Variants in SPAG16 observed in about 807,000 individuals in gnomAD.
SPAG16 encodes the protein sperm associated antigen 16.
A neutral mutation model predicts 80.4 loss-of-function variants in SPAG16; 86 were observed. The observed-to-expected ratio is 1.07, with a 90% CI of 0.90 to 1.28. The LOEUF is 1.28. Ranked by LOEUF, SPAG16 falls within the 50% of genes most tolerant of loss-of-function variation. The probability of loss-of-function intolerance (pLI) is 0.00; values close to 1 mark genes in which losing one functional copy is unlikely to be tolerated. For missense variants in SPAG16, 870 were observed against 765.3 expected (o/e 1.14, Z -1.61); for synonymous variants, 294 against 265.9 (o/e 1.11, Z -1.03).
At chr2:214,023,868 C>G (rs754058135) in intron 13 of SPAG16, among the ~76,000 whole-genome samples, 1 of 151,604 alleles carries the variant, frequency 6.6e-6, no homozygotes, top group East Asian at 1.9e-4. Context: ...GAAAAAATAT[C>G]ATATTCAATA....
chr2:213,875,343 A>G (rs948212011), intron 11 of SPAG16, among the ~76,000 whole-genome samples: 2 of 152,106 alleles, frequency 1.3e-5, no homozygotes, highest in Non-Finnish European at 2.9e-5. Context: ...AGAGTCCATC[A>G]AAGAGGTTCC....
At chr2:213,456,582 T>C (rs1458945993) in intron 9 of SPAG16, among the ~76,000 whole-genome samples, 1 of 152,202 alleles carries the variant, frequency 6.6e-6, no homozygotes, top group Non-Finnish European at 1.5e-5. Context: ...ATTTATTTTT[T>C]ATTTCTTAAA....
chr2:213,398,955 A>G (rs535167677), intron 9 of SPAG16, among the ~76,000 whole-genome samples: 1 of 152,322 alleles, frequency 6.6e-6, no homozygotes, highest in East Asian at 1.9e-4. Context: ...TTGTATAGAT[A>G]TGCATTGATT....
chr2:214,314,591 T>C (rs910333272), intron 15 of SPAG16, among the ~76,000 whole-genome samples: 1 of 152,156 alleles, frequency 6.6e-6, no homozygotes, highest in Non-Finnish European at 1.5e-5. Context: ...AAATACCTTG[T>C]TGAATTTGGA....
At position 214,351,484 on chromosome 2, in the gene SPAG16, G is replaced by A. The variant is rs554794673; in HGVS notation, c.1721-58656G>A. ...TGGGAGGCCGAGGTGGGTGGATCAC[G>A]AGGTCAGGAGATCGAGACCATCCTG... On this transcript the variant is annotated intron_variant, in intron 15 of 15. Coordinates refer to ENST00000331683, the MANE Select transcript of SPAG16 (RefSeq NM_024532.5). Among the ~76,000 whole-genome samples, 21 of 152,000 alleles carry A rather than the reference G, an allele frequency of 1.4e-4. No homozygotes were observed. In the South Asian group the frequency reaches 2.9e-3, roughly 21 times the overall value.
At chr2:213,524,619 T>C (rs1457618927) in intron 10 of SPAG16, among the ~76,000 whole-genome samples, 2 of 152,342 alleles carry the variant, frequency 1.3e-5, no homozygotes, top group East Asian at 3.9e-4. Context: ...ATGCGAGACA[T>C]GGAGTCAAAG....
chr2:213,937,245 T>C (rs191667122), intron 12 of SPAG16, among the ~76,000 whole-genome samples: 1 of 152,220 alleles, frequency 6.6e-6, no homozygotes, highest in African/African-American at 2.4e-5. Flanking sequence ...TGTATAATAT[T>C]AATGGGTTTA....
chr2:213,801,232 T>TGCGC (rs1357149482), intron 10 of SPAG16, among the ~76,000 whole-genome samples: 3 of 152,222 alleles, frequency 2.0e-5, no homozygotes, highest in African/African-American at 7.2e-5. Context: ...TGTGTGTGCG[T>TGCGC]GCGCGCGTGC....
intron 15 of SPAG16, among the ~76,000 whole-genome samples, chr2:214,272,485 CCT>C (rs1407279510): frequency 1.3e-5 from 2 of 152,034 alleles, no homozygotes; most frequent in African/African-American, 4.8e-5. Flanking sequence ...GTGATGTTCC[CCT>C]GTGTCCAAGT....
intron 13 of SPAG16, among the ~76,000 whole-genome samples, chr2:214,054,144 G>A (rs914108373): frequency 6.6e-6 from 1 of 152,018 alleles, no homozygotes; most frequent in Non-Finnish European, 1.5e-5. Context: ...GAAGTAGCTG[G>A]GATTACAGGT....
intron 13 of SPAG16, among the ~76,000 whole-genome samples, chr2:214,082,781 T>C (rs1360877633): frequency 6.6e-6 from 1 of 152,222 alleles, no homozygotes; most frequent in African/African-American, 2.4e-5. Context: ...CCTACCATTA[T>C]GCTCAACAGA....
intron 5 of SPAG16, among the ~76,000 whole-genome samples, chr2:213,330,135 G>T (rs932369500): frequency 1.3e-5 from 2 of 152,262 alleles, no homozygotes; most frequent in African/African-American, 4.8e-5. Flanking sequence ...CAGTGCGGAA[G>T]GGAAATATGG....
At chr2:213,642,848 A>AAAAAAAAAAAAAG (rs1559337090) in intron 10 of SPAG16, among the ~76,000 whole-genome samples, 3 of 137,072 alleles carry the variant, frequency 2.2e-5, no homozygotes, top group South Asian at 2.5e-4. Context: ...AAAAAAAAAA[A>AAAAAAAAAAAAAG]AGAGAGACTG....
At chr2:214,213,007 T>C (rs987791109) in intron 15 of SPAG16, among the ~76,000 whole-genome samples, 3 of 152,222 alleles carry the variant, frequency 2.0e-5, no homozygotes, top group African/African-American at 7.2e-5. Flanking sequence ...TCCTCCCCTA[T>C]TGAGTACTTT....
chr2:214,391,529 C>T (rs1158795190), intron 15 of SPAG16, among the ~76,000 whole-genome samples: 3 of 151,804 alleles, frequency 2.0e-5, no homozygotes, highest in African/African-American at 7.3e-5. Context: ...CAATTAAATG[C>T]CAAAGCTTTA....
At chr2:213,645,689 A>G (rs779399306) in intron 10 of SPAG16, among the ~76,000 whole-genome samples, 1 of 151,902 alleles carries the variant, frequency 6.6e-6, no homozygotes, top group Non-Finnish European at 1.5e-5. Context: ...GGTCTCTTGG[A>G]GCTGGAAGCT....
intron 10 of SPAG16, among the ~76,000 whole-genome samples, chr2:213,792,856 T>A (rs1048726889): frequency 6.6e-6 from 1 of 152,052 alleles, no homozygotes; most frequent in Non-Finnish European, 1.5e-5. Context: ...GGTGTTCTTT[T>A]CTTCAATCCC....
chr2:213,574,657 A>C (rs1053971935), intron 10 of SPAG16, among the ~76,000 whole-genome samples: 5 of 144,464 alleles, frequency 3.5e-5, no homozygotes, highest in Admixed American at 2.8e-4. Context: ...TATCATATAT[A>C]TGATATATGA....
chr2:214,084,007 G>A (rs2051556126), intron 13 of SPAG16, among the ~76,000 whole-genome samples: 1 of 151,030 alleles, frequency 6.6e-6, no homozygotes, highest in Non-Finnish European at 1.5e-5. Flanking sequence ...CCACATCACC[G>A]AGACTTTCAG....
Sources: allele counts gnomAD v4.1 joint callset (sites outside exome capture counted in the v4.1 genomes callset), GRCh38; gene constraint gnomAD v4.1.1; transcripts MANE v1.5; gene names NCBI Gene and HGNC (gene_info 2026-07-23, HGNC 2026-07-21).